PPARGC1A: variants seen among roughly 807,000 people sequenced by gnomAD.
PPARGC1A encodes the protein peroxisome proliferator-activated receptor gamma coactivator 1-alpha.
Under a neutral mutation model 88.7 loss-of-function variants are expected in PPARGC1A, and 25 were observed. The observed-to-expected ratio is 0.28, with a 90% CI of 0.21 to 0.39. PPARGC1A has a LOEUF of 0.39. Among genes scored for constraint, PPARGC1A ranks in the 10% least tolerant of loss-of-function variants. PPARGC1A has a pLI of 1.00. For missense variants in PPARGC1A, 880 were observed against 968.7 expected (o/e 0.91, Z 1.22); for synonymous variants, 363 against 355.6 (o/e 1.02, Z -0.24).
At chr4:24,043,180 G>A in the PPARGC1A span, among the ~76,000 whole-genome samples, 8 of 152,130 alleles carry the variant, frequency 5.3e-5, no homozygotes. Flanking sequence ...TAAGTGGGCA[G>A]CTAAATTCAG....
rs773788017 is a variant in PPARGC1A at position 23,814,476 on chromosome 4, G to A, written c.1007C>T (p.Ser336Phe). 1.2e-6 allele frequency: 2 copies of A among 1,613,710 alleles called. No homozygotes were observed. The highest frequency in any genetic ancestry group is 1.7e-5 in the Admixed American group (1 of 60,002). ...GGAGTTATTGCCTTGTGTACCAGAA[G>A]ACTCACTGTACCTGGGCTTCTTTGA... ...PPSKKPRYSESSGTQGNNSTK... is the reference protein window; with the variant it reads ...PPSKKPRYSEFSGTQGNNSTK... Residue 336 changes from serine to phenylalanine, a missense_variant, in exon 8 of 13, where the codon TCT (serine) becomes TTT (phenylalanine). Physicochemically the swap from Ser to Phe is radical, Grantham distance 155. Coordinates refer to ENST00000264867, the MANE Select transcript of PPARGC1A (RefSeq NM_013261.5).
the PPARGC1A span, among the ~76,000 whole-genome samples, chr4:24,469,281 T>C: frequency 8.5e-5 from 13 of 152,192 alleles, no homozygotes; most frequent in Admixed American, 8.5e-4. Flanking sequence ...CTCAAACATG[T>C]GCCCATGCTC....
the PPARGC1A span, among the ~76,000 whole-genome samples, chr4:24,387,946 A>AAGAAAG: frequency 7.3e-5 from 10 of 137,500 alleles, no homozygotes; most frequent in African/African-American, 2.2e-4. Context: ...GAAAGAAAGA[A>AAGAAAG]AGAAAGAAAG....
the PPARGC1A span, among the ~76,000 whole-genome samples, chr4:24,007,068 T>G: frequency 2.0e-5 from 3 of 152,168 alleles, no homozygotes; most frequent in African/African-American, 7.2e-5. Context: ...TAATTGTCAG[T>G]GTTTTTTCTT....
the PPARGC1A span, among the ~76,000 whole-genome samples, chr4:24,470,461 G>A: frequency 6.6e-6 from 1 of 152,098 alleles, no homozygotes; most frequent in East Asian, 1.9e-4. The surrounding 1 kb of genome is among the most constrained non-coding windows in gnomAD (Gnocchi z 5.8). Context: ...GCCAGGCGGG[G>A]CAGGATAGCC....
chr4:24,017,762 A>AG, the PPARGC1A span, among the ~76,000 whole-genome samples: 1 of 152,214 alleles, frequency 6.6e-6, no homozygotes, highest in African/African-American at 2.4e-5. Context: ...ATGGGACCCT[A>AG]GAAAAAAAAC....
intron 2 of PPARGC1A, among the ~76,000 whole-genome samples, chr4:23,867,973 T>C (rs935129657): frequency 6.6e-6 from 1 of 152,334 alleles, no homozygotes; most frequent in Non-Finnish European, 1.5e-5. Flanking sequence ...ACGGGCACAG[T>C]GCTGGGAACA....
chr4:24,243,458 T>C, the PPARGC1A span, among the ~76,000 whole-genome samples: 1 of 152,194 alleles, frequency 6.6e-6, no homozygotes, highest in African/African-American at 2.4e-5. Flanking sequence ...TTGATGATCA[T>C]TCATTTCCTT....
chr4:23,895,956 GTGTGTGTGTGTGTGTGTGTGTGTGTATA>G lies in PPARGC1A; in HGVS notation n.52+3283_52+3310del, dbSNP rs1006932589. On this transcript the variant is annotated intron_variant and non_coding_transcript_variant, in intron 1 of 3. Transcript: ENST00000507342. Reference sequence around the variant, plus strand: ...TAGAGATGTGTGTGTGTGTGTGTGTGTGTGTGTGTGTGTGTGTGTGTGTGTATATATATATACACACACATATTTATAT... The same window carrying G: ...TAGAGATGTGTGTGTGTGTGTGTGTGTATATATACACACACATATTTATAT... 5.2e-4 allele frequency among the ~76,000 whole-genome samples: 27 copies of G among 51,510 alleles called. No homozygotes were observed. In the South Asian group the frequency reaches 0.013, roughly 25 times the overall value. The allele number at this position is 51,510 out of a possible 152,430, so 33.8% of individuals were successfully genotyped here.
chr4:23,932,684 A>C, the PPARGC1A span, among the ~76,000 whole-genome samples: 2 of 152,182 alleles, frequency 1.3e-5, no homozygotes, highest in African/African-American at 2.4e-5. Context: ...TGTATTTAGT[A>C]GAAAGACATC....
the PPARGC1A span, among the ~76,000 whole-genome samples, chr4:24,258,006 G>T: frequency 3.5e-4 from 53 of 152,032 alleles, 1 homozygote; most frequent in Non-Finnish European, 1.5e-4. Flanking sequence ...GGTGGCAGGC[G>T]GAGGTGGCTT....
chr4:23,890,187 G>T, upstream of PPARGC1A: 1 of 768,756 alleles, frequency 1.3e-6, no homozygotes, highest in Non-Finnish European at 1.8e-6. Context: ...TCACTCAAAG[G>T]CAGCCCTCTG....
chr4:23,852,478 T>C (rs1729473086), intron 2 of PPARGC1A, among the ~76,000 whole-genome samples: 1 of 152,108 alleles, frequency 6.6e-6, no homozygotes, highest in South Asian at 2.1e-4. Context: ...TTGTACTTGC[T>C]CCCCATCAAG....
the PPARGC1A span, among the ~76,000 whole-genome samples, chr4:24,291,954 A>C: frequency 6.6e-6 from 1 of 152,214 alleles, no homozygotes; most frequent in Non-Finnish European, 1.5e-5. Context: ...CAAATGCAAA[A>C]GAAAACAAAG....
the PPARGC1A span, among the ~76,000 whole-genome samples, chr4:24,198,490 AGGGCTAGGGTTAGACT>A: frequency 1.3e-5 from 2 of 152,296 alleles, no homozygotes; most frequent in Admixed American, 1.3e-4. Context: ...CCTCAGGGTC[AGGGCTAGGGTTAGACT>A]TGCCGTTCCT....
At chr4:24,120,266 C>G in the PPARGC1A span, among the ~76,000 whole-genome samples, 1 of 152,122 alleles carries the variant, frequency 6.6e-6, no homozygotes, top group Admixed American at 6.5e-5. Flanking sequence ...GGGTGAGGAG[C>G]TAAGCCCCCA....
intron 2 of PPARGC1A, chr4:23,876,057 A>C (rs559483690): frequency 1.3e-5 from 2 of 152,380 alleles, no homozygotes; most frequent in South Asian, 4.1e-4. Flanking sequence ...CAAGCTACCC[A>C]TTTTTATTAA....
the PPARGC1A span, among the ~76,000 whole-genome samples, chr4:24,082,340 G>T: frequency 7.2e-5 from 11 of 152,092 alleles, no homozygotes; most frequent in African/African-American, 2.7e-4. Context: ...TTTATGAGAG[G>T]CTTTAGAGAG....
intron 7 of PPARGC1A, among the ~76,000 whole-genome samples, chr4:23,815,181 C>CA (rs1721738545): frequency 6.6e-6 from 1 of 150,840 alleles, no homozygotes; most frequent in Non-Finnish European, 1.5e-5. Context: ...GTGAGAGTGA[C>CA]ATAAGCAACT....
Sources: gnomAD v4.1 joint callset for allele counts (sites outside exome capture counted in the v4.1 genomes callset) on GRCh38, gnomAD v4.1.1 for gene constraint, Gnocchi (gnomAD v3.1) non-coding constraint, MANE v1.5 for transcripts, NCBI Gene and HGNC (gene_info 2026-07-23, HGNC 2026-07-21) for gene names.